Variants in EIF3H observed in about 807,000 individuals in gnomAD.
EIF3H encodes the protein eIF-3-gamma.
A neutral mutation model predicts 44.2 loss-of-function variants in EIF3H; 26 were observed. The observed-to-expected ratio is 0.59, with a 90% confidence interval of 0.43 to 0.82. The LOEUF is 0.82. EIF3H is among the 40% of genes least tolerant of loss of function. EIF3H has a pLI of 0.00. For synonymous variants in EIF3H, 166 were observed against 151.9 expected (o/e 1.09, Z -0.68); for missense variants, 359 against 432.8 (o/e 0.83, Z 1.51).
intron 1 of EIF3H, among the ~76,000 whole-genome samples, chr8:116,738,034 CAA>C (rs750259420): frequency 1.6e-4 from 11 of 68,492 alleles, no homozygotes; most frequent in Admixed American, 3.3e-4. Context: ...GGCTCCATCT[CAA>C]AAAAAAAAAA....
At chr8:116,730,417 T>C (rs1586481427) in intron 1 of EIF3H, among the ~76,000 whole-genome samples, 1 of 152,160 alleles carries the variant, frequency 6.6e-6, no homozygotes, top group Admixed American at 6.5e-5. Context: ...AGTGGAACAG[T>C]GTCATCCAGA....
In EIF3H at chr8:116,642,747, G is replaced by A. The variant is rs1813239914; in HGVS notation, c.*2259C>T. The A allele has an allele frequency of 6.6e-6, 1 of 152,146 alleles. No homozygotes were observed. The highest frequency in any genetic ancestry group is 2.4e-5 in the African/African-American group (1 of 41,430). The allele number at this position is 152,146 out of a possible 1,614,324, so 9.4% of individuals were successfully genotyped here. A position where few individuals can be genotyped will look rare whatever the true frequency, so the allele number is the denominator to read the frequency against. On this transcript the variant is annotated 3_prime_UTR_variant, in exon 8 of 8. Coordinates refer to ENST00000521861, the MANE Select transcript of EIF3H (RefSeq NM_003756.3). ...TCACATGTATTTGTTCCTGAAAAAT[G>A]TCAGAATACAGCACTCAAATCAAAT...
Position 116,644,595 on chromosome 8 carries a change from T to C in EIF3H, c.*411A>G, listed in dbSNP as rs1392672502. 1.3e-5 allele frequency: 2 copies of C among 156,074 alleles called. No individual in the cohort carries two copies. The highest frequency in any genetic ancestry group is 4.9e-5 in the African/African-American group (2 of 41,154). The allele number at this position is 156,074 out of a possible 1,614,324, so 9.7% of individuals were successfully genotyped here. On this transcript the variant is annotated 3_prime_UTR_variant, in exon 8 of 8. Transcript: ENST00000521861. Reference sequence around the variant, plus strand: ...ATTTGGGAGCAGCGAAGTATAAAAATTCAAAAAAAAAATATTCACAGTAGA... The same window carrying C: ...ATTTGGGAGCAGCGAAGTATAAAAACTCAAAAAAAAAATATTCACAGTAGA...
At chr8:116,668,282 G>A (rs1813700182) in intron 2 of EIF3H, among the ~76,000 whole-genome samples, 1 of 152,226 alleles carries the variant, frequency 6.6e-6, no homozygotes. Context: ...TATGTAAACA[G>A]TGTGGACTGC....
chr8:116,654,998 C>A (rs1014404656), intron 5 of EIF3H, among the ~76,000 whole-genome samples: 1 of 151,712 alleles, frequency 6.6e-6, no homozygotes, highest in Non-Finnish European at 1.5e-5. Context: ...AGAAAACACA[C>A]CTTGTTTCTT....
intron 2 of EIF3H, among the ~76,000 whole-genome samples, chr8:116,713,997 T>C (rs1314813695): frequency 3.9e-5 from 6 of 152,038 alleles, no homozygotes; most frequent in African/African-American, 9.7e-5. Context: ...TCTATAAACA[T>C]GACACTAACA....
rs1466899932 is a variant in EIF3H, at chr8:116,656,094, C to G, written c.558-89G>C. 16 of 1,238,496 alleles carry G rather than the reference C, an allele frequency of 1.3e-5. No homozygotes were observed. In the Admixed American group the frequency reaches 3.4e-4, roughly 26 times the overall value. The allele number at this position is 1,238,496 out of a possible 1,614,324, so 76.7% of individuals were successfully genotyped here. A position where few individuals can be genotyped will look rare whatever the true frequency, so the allele number is the denominator to read the frequency against. On this transcript the variant is annotated intron_variant, in intron 4 of 7. Coordinates refer to ENST00000521861, the MANE Select transcript of EIF3H (RefSeq NM_003756.3). ...CATAAAATTTACCTAATTACAGGCC[C>G]TATCCAAGATCTTTGTTTCATTAGC...
At chr8:116,755,932 C>T (rs770770165), upstream of EIF3H, 8 of 1,538,710 alleles carry the variant, frequency 5.2e-6, no homozygotes, top group South Asian at 9.5e-5. Context: ...CCCCGCCTCC[C>T]TCCTGTTTTC....
intron 2 of EIF3H, among the ~76,000 whole-genome samples, chr8:116,659,565 T>A (rs1359515663): frequency 1.3e-5 from 2 of 152,160 alleles, no homozygotes; most frequent in Non-Finnish European, 2.9e-5. Context: ...CTAAATTTTT[T>A]AAAGAATTAT....
At chr8:116,658,655 C>A (rs978601559) in intron 3 of EIF3H, 158 bp downstream of exon 3, 13 of 610,744 alleles carry the variant, frequency 2.1e-5, no homozygotes, top group African/African-American at 1.1e-4. Flanking sequence ...AAGAAGGAAA[C>A]CCTGTCTAGA....
intron 1 of EIF3H, among the ~76,000 whole-genome samples, chr8:116,753,356 C>T (rs6983034): frequency 0.54 from 82,689 of 151,874 alleles, 24,472 homozygotes; most frequent in Non-Finnish European, 0.67. Flanking sequence ...AATCCTTTAC[C>T]TGCTCTTATT....
intron 1 of EIF3H, among the ~76,000 whole-genome samples, chr8:116,752,726 AAGAAAG>A (rs1815369600): frequency 8.1e-6 from 1 of 123,708 alleles, no homozygotes; most frequent in Non-Finnish European, 1.8e-5. Flanking sequence ...GAAAGAAAGA[AAGAAAG>A]AAGAGAAAGA....
At chr8:116,674,496 T>C (rs139729353) in intron 2 of EIF3H, among the ~76,000 whole-genome samples, 1,934 of 152,228 alleles carry the variant, frequency 0.013, 17 homozygotes, top group Middle Eastern at 0.044. Context: ...CTCAACACAA[T>C]TGTTAAATAG....
intron 1 of EIF3H, among the ~76,000 whole-genome samples, chr8:116,755,155 A>G (rs770611944): frequency 2.1e-4 from 32 of 152,234 alleles, no homozygotes; most frequent in Admixed American, 1.5e-3. Context: ...TGTTTTTCAG[A>G]ATGAACACTA....
chr8:116,705,154 T>C (rs559526652), intron 2 of EIF3H, among the ~76,000 whole-genome samples: 1 of 152,314 alleles, frequency 6.6e-6, no homozygotes, highest in Non-Finnish European at 1.5e-5. Context: ...TGAATTTAGA[T>C]AATCAACAGT....
At chr8:116,665,978 G>C (rs1283859533) in intron 2 of EIF3H, among the ~76,000 whole-genome samples, 1 of 152,182 alleles carries the variant, frequency 6.6e-6, no homozygotes, top group Non-Finnish European at 1.5e-5. Flanking sequence ...CATCCAATCT[G>C]TACCACATAT....
At chr8:116,765,608 C>T (rs1203119915) in exon 1 of EIF3H, 1 of 152,212 alleles carries the variant, frequency 6.6e-6, no homozygotes, top group African/African-American at 2.4e-5. Flanking sequence ...AATTTTTAAA[C>T]CTCCAGTCAG....
At chr8:116,730,683 T>C (rs554514314) in intron 1 of EIF3H, among the ~76,000 whole-genome samples, 21 of 152,318 alleles carry the variant, frequency 1.4e-4, no homozygotes, top group Admixed American at 1.3e-3. Flanking sequence ...GTTGTGCTCA[T>C]TGTTTCCCCT....
At chr8:116,666,065 T>A (rs1813660096) in intron 2 of EIF3H, among the ~76,000 whole-genome samples, 1 of 152,198 alleles carries the variant, frequency 6.6e-6, no homozygotes, top group Non-Finnish European at 1.5e-5. Flanking sequence ...CAGTTCAATT[T>A]TTCACAATGA....
Sources: gnomAD v4.1 joint callset for allele counts (sites outside exome capture counted in the v4.1 genomes callset) on GRCh38, gnomAD v4.1.1 for gene constraint, MANE v1.5 for transcripts, NCBI Gene and HGNC (gene_info 2026-07-23, HGNC 2026-07-21) for gene names.